Variants in CRACR2A observed in about 807,000 individuals in gnomAD.
CRACR2A encodes the protein calcium release activated channel regulator 2A.
CRACR2A carries 79 observed loss-of-function variants against 90.5 expected under a neutral mutation model. The observed-to-expected ratio is 0.87, with a 90% CI of 0.73 to 1.05. The LOEUF (loss-of-function observed/expected upper bound fraction) is 1.05. Among genes scored for constraint, CRACR2A ranks in the 50% least tolerant of loss-of-function variants. CRACR2A has a pLI of 0.00. For missense variants in CRACR2A, 823 were observed against 897.2 expected (o/e 0.92, Z 1.06); for synonymous variants, 338 against 356.7 (o/e 0.95, Z 0.59).
At chr12:3,686,545 G>A (rs991630793) in intron 4 of CRACR2A, among the ~76,000 whole-genome samples, 1 of 152,138 alleles carries the variant, frequency 6.6e-6, no homozygotes, top group African/African-American at 2.4e-5. Context: ...GAGGCTCTAG[G>A]TTTTCTCAGA....
chr12:3,629,756 C>T (rs772521190), intron 15 of CRACR2A, among the ~76,000 whole-genome samples: 5 of 149,044 alleles, frequency 3.4e-5, no homozygotes, highest in East Asian at 4.0e-4. Flanking sequence ...GGACACGCGA[C>T]GTGTTTCTCT....
chr12:3,682,358 T>C (rs1180786573), intron 4 of CRACR2A, among the ~76,000 whole-genome samples: 2 of 152,208 alleles, frequency 1.3e-5, no homozygotes, highest in African/African-American at 2.4e-5. Context: ...CATGTTAGCA[T>C]GAACCAGGAG....
intron 2 of CRACR2A, 62 bp from the exon 3 acceptor site, chr12:3,713,379 G>A: frequency 1.1e-6 from 1 of 903,900 alleles, no homozygotes; most frequent in Non-Finnish European, 1.3e-6. Flanking sequence ...AACAGAAGTG[G>A]CTTTATAGCA....
At position 3,743,968 on chromosome 12, in the gene CRACR2A, C is replaced by A. The variant is rs1301647003; in HGVS notation, c.-387+9047G>T. On this transcript the variant is annotated intron_variant, in intron 1 of 19. Transcript: ENST00000440314. ...ATGCTCGCTGGGGAAATAGCAAATA[C>A]ACTCTGTAGTATCTGTGGCCAGGAC... Among the ~76,000 whole-genome samples the A allele has an allele frequency of 2.6e-5, 4 of 152,182 alleles. No individual in the cohort carries two copies. The East Asian group carries it at 7.7e-4, about 29-fold the overall frequency.
chr12:3,641,234 C>T (rs1206599734), intron 13 of CRACR2A, among the ~76,000 whole-genome samples: 2 of 152,144 alleles, frequency 1.3e-5, no homozygotes, highest in East Asian at 1.9e-4. Flanking sequence ...ATCCCAGCTA[C>T]TTGGGAGGCT....
chr12:3,747,529 C>G (rs1370199404), intron 1 of CRACR2A, among the ~76,000 whole-genome samples: 1 of 152,176 alleles, frequency 6.6e-6, no homozygotes, highest in Non-Finnish European at 1.5e-5. Flanking sequence ...CATCCATTTA[C>G]CAAGAGAACT....
intron 1 of CRACR2A, among the ~76,000 whole-genome samples, chr12:3,737,410 A>G (rs1840375230): frequency 6.6e-6 from 1 of 152,222 alleles, no homozygotes; most frequent in African/African-American, 2.4e-5. Flanking sequence ...CATTACCCCA[A>G]CAAGCCAGAG....
chr12:3,708,225 C>T lies in CRACR2A; in HGVS notation c.-37+5012G>A, dbSNP rs540536176. Among the ~76,000 whole-genome samples the T allele has an allele frequency of 3.0e-4, 45 of 152,276 alleles. No individual in the cohort carries two copies. The East Asian group carries it at 8.3e-3, about 28-fold the overall frequency. On this transcript the variant is annotated intron_variant, in intron 3 of 19. Coordinates refer to ENST00000440314, the MANE Select transcript of CRACR2A (RefSeq NM_001144958.2). ...ACCCCTCTAAAGAGCCCTTATCCAACGACTGACAGGCGTGGAATTATGAAA... is the reference window on the plus strand; with the variant it reads ...ACCCCTCTAAAGAGCCCTTATCCAATGACTGACAGGCGTGGAATTATGAAA...
In CRACR2A at chr12:3,638,132, G is replaced by C. The variant is rs1417805565; in HGVS notation, c.1594C>G (p.Leu532Val). The part of the protein sequence containing the change: ...PRGQPVGKEA[L>V]CKEESSPSAP... ...GTAGGCTGTGCCCTTACCTTACACA[G>C]GGCTTCTTTTCCAACAGGCTGCCCT... The change falls in exon 14 of 20, where the codon CTG becomes GTG. Residue 532 changes from leucine to valine, a missense_variant. Transcript: ENST00000440314. 1.9e-6 allele frequency: 3 copies of C among 1,544,168 alleles called. No homozygotes were observed. The highest frequency in any genetic ancestry group is 2.6e-6 in the Non-Finnish European group (3 of 1,141,446).
intron 4 of CRACR2A, among the ~76,000 whole-genome samples, chr12:3,687,741 G>A (rs529071908): frequency 1.3e-5 from 2 of 152,158 alleles, no homozygotes; most frequent in African/African-American, 4.8e-5. Context: ...TGGTAGTTCT[G>A]TTTCTAGGTT....
chr12:3,631,973 G>A (rs866510440), intron 15 of CRACR2A, among the ~76,000 whole-genome samples: 5 of 152,270 alleles, frequency 3.3e-5, no homozygotes, highest in South Asian at 4.1e-4. Flanking sequence ...GTTTGGATTT[G>A]TATCCCCACC....
At chr12:3,652,864 C>G (rs1313834478) in intron 10 of CRACR2A, among the ~76,000 whole-genome samples, 1 of 152,214 alleles carries the variant, frequency 6.6e-6, no homozygotes, top group Non-Finnish European at 1.5e-5. Flanking sequence ...TTTCTGCAGG[C>G]TTGTTATTCT....
intron 14 of CRACR2A, among the ~76,000 whole-genome samples, chr12:3,637,361 A>T (rs1944472703): frequency 1.3e-5 from 2 of 152,232 alleles, no homozygotes; most frequent in Non-Finnish European, 2.9e-5. Flanking sequence ...TGCCCAGTTA[A>T]TGCTTTTGAA....
intron 17 of CRACR2A, 81 bp downstream of exon 17, chr12:3,627,355 A>G: frequency 1.0e-6 from 1 of 996,200 alleles, no homozygotes; most frequent in Non-Finnish European, 1.5e-6. Flanking sequence ...GAAAATGCAG[A>G]GGCCCACGTG....
chr12:3,656,320 C>T lies in CRACR2A; in HGVS notation c.849G>A (p.Lys283=), dbSNP rs1944906588. ...KEQELEQLTQ[K]QKRLEGQCTA... ...ATGGATGGCAACATACCCTTTTCTGCTTCTGGGTGAGCTGCTCCAGCTCCT... is the reference window on the plus strand; with the variant it reads ...ATGGATGGCAACATACCCTTTTCTGTTTCTGGGTGAGCTGCTCCAGCTCCT... The change falls in exon 9 of 20, where the codon AAG becomes AAA. Residue 283 remains lysine, a synonymous_variant. Coordinates refer to ENST00000440314, the MANE Select transcript of CRACR2A (RefSeq NM_001144958.2). 1.9e-6 allele frequency: 3 copies of T among 1,614,086 alleles called. No homozygotes were observed. In the East Asian group the frequency reaches 6.7e-5, roughly 36 times the overall value.
chr12:3,641,259 G>A (rs1425918797), intron 13 of CRACR2A, among the ~76,000 whole-genome samples: 5 of 152,210 alleles, frequency 3.3e-5, no homozygotes, highest in African/African-American at 9.6e-5. Context: ...CAGGAGAATC[G>A]CTTGAACCTG....
At chr12:3,660,884 ACAC>A (rs761637935) in intron 7 of CRACR2A, among the ~76,000 whole-genome samples, 2,588 of 109,024 alleles carry the variant, frequency 0.024, 59 homozygotes, top group East Asian at 0.16. Flanking sequence ...ACACACACAC[ACAC>A]AATTTTGGCC....
At chr12:3,650,585 C>A (rs955260181) in intron 10 of CRACR2A, among the ~76,000 whole-genome samples, 2 of 152,194 alleles carry the variant, frequency 1.3e-5, no homozygotes, top group Non-Finnish European at 2.9e-5. Context: ...CCGCTCCCGA[C>A]TCTGAGCCCT....
intron 4 of CRACR2A, among the ~76,000 whole-genome samples, chr12:3,693,725 A>G (rs1026165332): frequency 9.2e-5 from 14 of 152,072 alleles, no homozygotes; most frequent in Non-Finnish European, 1.8e-4. Context: ...ACCTTTCTCC[A>G]TAGCTACCTT....
Sources: gnomAD v4.1 joint callset for allele counts (sites outside exome capture counted in the v4.1 genomes callset) on GRCh38, gnomAD v4.1.1 for gene constraint, MANE v1.5 for transcripts, NCBI Gene and HGNC (gene_info 2026-07-23, HGNC 2026-07-21) for gene names.